The following UTRN variants were observed in gnomAD, a reference collection of about 807,000 sequenced individuals.
The protein encoded by UTRN is dystrophin-related protein 1.
Under a neutral mutation model 463.9 loss-of-function variants are expected in UTRN, and 283 were observed. That is an observed-to-expected ratio of 0.61 (90% confidence interval 0.55 to 0.67). The LOEUF (loss-of-function observed/expected upper bound fraction) is 0.67, where lower values mean the gene tolerates loss of function less well. UTRN is among the 30% of genes least tolerant of loss of function. UTRN has a pLI of 0.00. For missense variants in UTRN, 3,922 were observed against 4,084.3 expected (o/e 0.96, Z 1.08); for synonymous variants, 1,442 against 1,431.5 (o/e 1.01, Z -0.17).
At chr6:144,511,667 A>C (rs567921904) in intron 35 of UTRN, among the ~76,000 whole-genome samples, 12 of 152,216 alleles carry the variant, frequency 7.9e-5, no homozygotes, top group Non-Finnish European at 1.8e-4. Context: ...AGTGCTCTTA[A>C]ATAACTATAT....
intron 51 of UTRN, among the ~76,000 whole-genome samples, chr6:144,663,405 TA>T (rs1328894088): frequency 1.3e-5 from 2 of 152,310 alleles, no homozygotes; most frequent in East Asian, 3.9e-4. Context: ...ACGCTGATTT[TA>T]ATTAATTTTT....
chr6:144,424,900 A>G (rs1390444126), intron 6 of UTRN, among the ~76,000 whole-genome samples: 2 of 152,212 alleles, frequency 1.3e-5, no homozygotes, highest in African/African-American at 4.8e-5. Flanking sequence ...GATGTAAAAT[A>G]TTGATATTTA....
At chr6:144,650,672 A>T (rs1778720862) in intron 51 of UTRN, among the ~76,000 whole-genome samples, 1 of 152,166 alleles carries the variant, frequency 6.6e-6, no homozygotes, top group Non-Finnish European at 1.5e-5. Context: ...GCACTTTAGG[A>T]GGCCAAGGCG....
intron 54 of UTRN, among the ~76,000 whole-genome samples, chr6:144,732,257 T>TATATATACATATATATATATAC (rs1562832796): frequency 2.3e-5 from 2 of 85,506 alleles, no homozygotes; most frequent in South Asian, 4.2e-4. Flanking sequence ...TATATATATA[T>TATATATACATATATATATATAC]ACACACATAT....
rs77252666 is a variant in UTRN, at chr6:144,533,427, G to A, written c.6233+167G>A. 2.2e-3 allele frequency among the ~76,000 whole-genome samples: 331 copies of A among 152,210 alleles called. 1 individual carries two copies. Among genetic ancestry groups the A allele is most frequent in the African/African-American group, 7.6e-3 (314 of 41,524 alleles). On this transcript the variant is annotated intron_variant, in intron 43 of 74. Transcript: ENST00000367545. Reference sequence around the variant, plus strand: ...TTCTCCCTTCCTGTATTTTTAGGCTGTCCATAAAGTCTCACTTTTCTACTC... The same window carrying A: ...TTCTCCCTTCCTGTATTTTTAGGCTATCCATAAAGTCTCACTTTTCTACTC...
At chr6:144,540,252 G>C (rs368187220) in intron 45 of UTRN, among the ~76,000 whole-genome samples, 2 of 151,566 alleles carry the variant, frequency 1.3e-5, no homozygotes, top group African/African-American at 4.8e-5. Flanking sequence ...GTTAAAAGTA[G>C]ATAAAGTCAT....
At chr6:144,467,299 T>G (rs2128564422) in intron 23 of UTRN, among the ~76,000 whole-genome samples, 1 of 152,336 alleles carries the variant, frequency 6.6e-6, no homozygotes, top group South Asian at 2.1e-4. Context: ...AATCGTTCCC[T>G]CCTCTGTGAT....
chr6:144,656,000 C>T (rs559184906), intron 51 of UTRN, among the ~76,000 whole-genome samples: 1 of 151,884 alleles, frequency 6.6e-6, no homozygotes, highest in African/African-American at 2.4e-5. Context: ...TTCTTGAGTC[C>T]ATTGCTGAGT....
intron 2 of UTRN, among the ~76,000 whole-genome samples, chr6:144,396,868 A>G (rs970117781): frequency 3.3e-5 from 5 of 152,102 alleles, no homozygotes; most frequent in African/African-American, 1.2e-4. Flanking sequence ...ACCCTCTTAT[A>G]TACTTCCTAC....
intron 41 of UTRN, 114 bp downstream of exon 41, chr6:144,523,302 G>C: frequency 2.4e-6 from 2 of 850,396 alleles, no homozygotes; most frequent in Non-Finnish European, 3.3e-6. Context: ...ATCCTTGTAG[G>C]ATGCCCTATT....
chr6:144,713,689 G>T (rs1410278650), intron 53 of UTRN, among the ~76,000 whole-genome samples: 3 of 148,652 alleles, frequency 2.0e-5, no homozygotes, highest in South Asian at 2.2e-4. Flanking sequence ...GGGAGGCTGA[G>T]GTGGGTGGAT....
At chr6:144,378,216 A>T (rs1186644009) in intron 2 of UTRN, among the ~76,000 whole-genome samples, 5 of 152,212 alleles carry the variant, frequency 3.3e-5, no homozygotes, top group Non-Finnish European at 7.3e-5. Context: ...CATATAACAG[A>T]TTCATGTTCT....
At chr6:144,781,864 G>A in intron 60 of UTRN, 58 bp from the exon 61 acceptor site, 1 of 1,319,812 alleles carries the variant, frequency 7.6e-7, no homozygotes. Flanking sequence ...TTGTGATGTT[G>A]TTATGTAATG....
At chr6:144,587,056 G>C (rs1391404316) in intron 51 of UTRN, among the ~76,000 whole-genome samples, 1 of 152,102 alleles carries the variant, frequency 6.6e-6, no homozygotes, top group Admixed American at 6.6e-5. Flanking sequence ...TTAAATATTA[G>C]TAGTGTATAA....
At chr6:144,556,163 G>A (rs910559352) in intron 49 of UTRN, among the ~76,000 whole-genome samples, 3 of 152,196 alleles carry the variant, frequency 2.0e-5, no homozygotes, top group East Asian at 1.9e-4. Context: ...CCTTCAGCTA[G>A]CCTAAGATGG....
intron 2 of UTRN, among the ~76,000 whole-genome samples, chr6:144,320,265 G>A (rs1320042067): frequency 6.6e-6 from 1 of 152,142 alleles, no homozygotes; most frequent in Middle Eastern, 3.2e-3. Flanking sequence ...AAAGTATTTG[G>A]CTAATATTGT....
intron 2 of UTRN, chr6:144,398,008 A>G (rs1010470580): frequency 4.4e-6 from 1 of 227,340 alleles, no homozygotes; most frequent in South Asian, 7.9e-5. Context: ...GACTGGCAGC[A>G]TTGCCTGCTG....
At chr6:144,771,676 TC>T (rs1191980534) in intron 58 of UTRN, among the ~76,000 whole-genome samples, 1 of 152,214 alleles carries the variant, frequency 6.6e-6, no homozygotes, top group East Asian at 1.9e-4. Flanking sequence ...TCCACCTGCC[TC>T]GGCCTCCCAA....
In UTRN at chr6:144,424,084, G is replaced by A; in HGVS notation, c.405+6G>A. On this transcript the variant is annotated splice_donor_region_variant and intron_variant, in intron 6 of 74. Coordinates refer to ENST00000367545, the MANE Select transcript of UTRN (RefSeq NM_007124.3). ...GCATCATTTTGCACTGGCAGGTGGG[G>A]AAATTTCCAATCACTTTTTAATAGA... The A allele has an allele frequency of 6.2e-7, 1 of 1,612,392 alleles. No homozygotes were observed. The highest frequency in any genetic ancestry group is 1.1e-5 in the South Asian group (1 of 90,896).
Sources: allele counts gnomAD v4.1 joint callset (sites outside exome capture counted in the v4.1 genomes callset), GRCh38; gene constraint gnomAD v4.1.1; transcripts MANE v1.5; gene names NCBI Gene and HGNC (gene_info 2026-07-23, HGNC 2026-07-21).